Variants in KSR1 observed in about 807,000 individuals in gnomAD.
KSR1 encodes kinase suppressor of ras.
KSR1 carries 35 observed loss-of-function variants against 92.9 expected under a neutral mutation model. The ratio of observed to expected loss-of-function variants is 0.38; its 90% CI spans 0.29 to 0.50. The LOEUF (loss-of-function observed/expected upper bound fraction) is 0.50, where lower values mean the gene tolerates loss of function less well. Ranked by LOEUF, KSR1 falls within the 20% of genes least tolerant of loss-of-function variation. KSR1 has a pLI of 0.94. For missense variants in KSR1, 972 were observed against 1,158.5 expected (o/e 0.84, Z 2.34); for synonymous variants, 467 against 472.6 (o/e 0.99, Z 0.15).
rs769297024 is a variant in KSR1 at position 27,582,693 on chromosome 17, C to T, written c.568C>T (p.Arg190Trp). The change falls in exon 4 of 21, where the codon CGG becomes TGG. Residue 190 changes from arginine to tryptophan, a missense_variant. Arg to Trp is a moderately radical substitution (Grantham distance 101, BLOSUM62 -3). Coordinates refer to ENST00000644974, the MANE Select transcript of KSR1 (RefSeq NM_001394583.1). ...CAGTTGGAGTTCATTGGATGCGCGG[C>T]GGGAAAGTGGCTCAGGGCCTTCCAC... ...DSSWSSLDARRESGSGPSTDT... is the reference protein window; with the variant it reads ...DSSWSSLDARWESGSGPSTDT... The T allele has an allele frequency of 9.9e-6, 16 of 1,613,278 alleles. No homozygotes were observed. The highest frequency in any genetic ancestry group is 2.7e-5 in the African/African-American group (2 of 74,978).
At chr17:27,525,672 A>G (rs887145390) in intron 1 of KSR1, among the ~76,000 whole-genome samples, 1 of 152,202 alleles carries the variant, frequency 6.6e-6, no homozygotes, top group Non-Finnish European at 1.5e-5. Context: ...CAAAGGTTCC[A>G]AAGGTTTCCA....
chr17:27,512,202 G>C (rs2069625506), intron 1 of KSR1, among the ~76,000 whole-genome samples: 1 of 152,214 alleles, frequency 6.6e-6, no homozygotes, highest in African/African-American at 2.4e-5. Context: ...TCACTAATCT[G>C]TGGAGAAAAT....
chr17:27,457,486 T>C (rs1204991281), intron 1 of KSR1, among the ~76,000 whole-genome samples: 1 of 152,216 alleles, frequency 6.6e-6, no homozygotes, highest in Non-Finnish European at 1.5e-5. Context: ...AATTACCCGC[T>C]GACTCCCCCT....
intron 2 of KSR1, among the ~76,000 whole-genome samples, chr17:27,553,354 G>A (rs1375082069): frequency 2.6e-5 from 4 of 152,360 alleles, no homozygotes; most frequent in African/African-American, 9.6e-5. Context: ...GGGAGTGAAG[G>A]AAGGCTGGGA....
intron 4 of KSR1, 81 bp from the exon 5 acceptor site, chr17:27,585,576 C>A (rs1598086087): frequency 4.1e-6 from 3 of 723,050 alleles, no homozygotes; most frequent in Admixed American, 4.0e-5. Context: ...CTTGCCTGCT[C>A]CCGCCCAAGG....
rs1290930834 is a variant in KSR1 at position 27,597,433 on chromosome 17, C to T, written c.1465C>T (p.Pro489Ser). 2.3e-5 allele frequency: 37 copies of T among 1,601,802 alleles called. No individual in the cohort carries two copies. Among genetic ancestry groups the T allele is most frequent in the African/African-American group, 5.4e-5 (4 of 74,742 alleles). Residue 489 changes from proline (P) to serine (S), a missense_variant, in exon 10 of 21, where the codon CCA (proline) becomes TCA (serine). By Grantham distance (74) the Pro-to-Ser change is moderately conservative (BLOSUM62 -1). Around this residue, in one of 5 missense-constraint regions of KSR1, gnomAD observed 611 missense variants for 668.0 expected, o/e 0.91. Transcript: ENST00000644974. ...PGQRDSRFNFPAAYFIHHRQQ... is the reference protein window; with the variant it reads ...PGQRDSRFNFSAAYFIHHRQQ... ...CCAGCGGGACAGCAGGTTCAACTTCCCAGGTACCACATCTCCAGGCTTTTC... is the reference window on the plus strand; with the variant it reads ...CCAGCGGGACAGCAGGTTCAACTTCTCAGGTACCACATCTCCAGGCTTTTC...
At chr17:27,526,094 T>TTCTTTCTTTCTTTCTCTCTC (rs55706224) in intron 1 of KSR1, among the ~76,000 whole-genome samples, 58 of 118,412 alleles carry the variant, frequency 4.9e-4, no homozygotes, top group East Asian at 9.3e-4. Flanking sequence ...CTTTCTTTCT[T>TTCTTTCTTTCTTTCTCTCTC]TCTCTCTCTC....
chr17:27,596,412 C>A (rs142281803), intron 9 of KSR1, among the ~76,000 whole-genome samples: 222 of 152,304 alleles, frequency 1.5e-3, no homozygotes, highest in African/African-American at 5.0e-3. Flanking sequence ...AGGCACCAAA[C>A]GTGTTTCCCA....
intron 1 of KSR1, among the ~76,000 whole-genome samples, chr17:27,491,919 A>G (rs1341006534): frequency 6.6e-6 from 1 of 152,110 alleles, no homozygotes; most frequent in African/African-American, 2.4e-5. Flanking sequence ...TCTGCTCACC[A>G]TCTGTTAAGG....
chr17:27,491,101 A>T (rs984683714), intron 1 of KSR1, among the ~76,000 whole-genome samples: 2 of 152,120 alleles, frequency 1.3e-5, no homozygotes, highest in Non-Finnish European at 2.9e-5. Context: ...ATACACACAG[A>T]TACACAAAGC....
chr17:27,547,587 C>A (rs1011603451), intron 1 of KSR1, among the ~76,000 whole-genome samples: 2 of 152,084 alleles, frequency 1.3e-5, no homozygotes, highest in Non-Finnish European at 2.9e-5. Context: ...AATAAAGAAG[C>A]TTTTATGACT....
Position 27,608,015 on chromosome 17 carries a change from G to C in KSR1, c.2091+5G>C, listed in dbSNP as rs2073810744. On this transcript the variant is annotated splice_donor_5th_base_variant and intron_variant, in intron 15 of 20. Coordinates refer to ENST00000644974, the MANE Select transcript of KSR1 (RefSeq NM_001394583.1). The stretch of plus-strand genomic sequence containing the variant: ...ATCGCTCAGGAGATCATCAAGGTGA[G>C]GGGGTGCCCAGCTGCTGGGGGTGGG... 6.3e-7 allele frequency: 1 copy of C among 1,598,640 alleles called. No individual in the cohort carries two copies. The highest frequency in any genetic ancestry group is 8.5e-7 in the Non-Finnish European group (1 of 1,170,936).
chr17:27,514,764 G>A (rs571037787), intron 1 of KSR1, among the ~76,000 whole-genome samples: 1 of 151,990 alleles, frequency 6.6e-6, no homozygotes. Context: ...ACGGCTCCAC[G>A]TTGCTGCCTC....
intron 1 of KSR1, among the ~76,000 whole-genome samples, chr17:27,485,178 C>G (rs528192962): frequency 1.3e-5 from 2 of 152,198 alleles, no homozygotes; most frequent in Non-Finnish European, 2.9e-5. Flanking sequence ...GTATGCCCAC[C>G]CTGGACTGTT....
chr17:27,502,456 T>C (rs1488010799), intron 1 of KSR1, among the ~76,000 whole-genome samples: 1 of 152,244 alleles, frequency 6.6e-6, no homozygotes, highest in African/African-American at 2.4e-5. Context: ...TCTTAAAATA[T>C]GACATTTTCC....
chr17:27,530,958 T>C lies in KSR1; in HGVS notation c.232-19610T>C, dbSNP rs565771852. 2.5e-4 allele frequency among the ~76,000 whole-genome samples: 38 copies of C among 152,368 alleles called. No individual in the cohort carries two copies. In the South Asian group the frequency reaches 4.3e-3, roughly 17 times the overall value. On this transcript the variant is annotated intron_variant, in intron 1 of 20. Transcript: ENST00000644974. ...AGTGGCTCTGTCATAGTTTAGTAAGTGGTTTTACCATCACCTCCTTAGCTG... is the reference window on the plus strand; with the variant it reads ...AGTGGCTCTGTCATAGTTTAGTAAGCGGTTTTACCATCACCTCCTTAGCTG...
At chr17:27,622,943 CCT>C in intron 20 of KSR1, 1 of 271,854 alleles carries the variant, frequency 3.7e-6, no homozygotes. Context: ...AGGAACATGC[CCT>C]GTCACTCCTG....
intron 10 of KSR1, among the ~76,000 whole-genome samples, chr17:27,600,098 T>TG (rs2073499786): frequency 6.7e-6 from 1 of 148,962 alleles, no homozygotes; most frequent in Admixed American, 6.7e-5. Flanking sequence ...AACTTTTTTT[T>TG]TTTTTTTTTT....
At chr17:27,510,905 G>A (rs117997286) in intron 1 of KSR1, among the ~76,000 whole-genome samples, 2,016 of 152,204 alleles carry the variant, frequency 0.013, 19 homozygotes, top group Non-Finnish European at 0.021. Flanking sequence ...ATGGAGCGCC[G>A]TACCACCCAG....
Sources: gnomAD v4.1 joint callset for allele counts (sites outside exome capture counted in the v4.1 genomes callset) on GRCh38, gnomAD v4.1.1 for gene constraint, gnomAD v4.1.1 regional missense constraint, MANE v1.5 for transcripts, NCBI Gene and HGNC (gene_info 2026-07-23, HGNC 2026-07-21) for gene names.